The following CTNNA2 variants were observed in gnomAD, a reference collection of about 807,000 sequenced individuals.
CTNNA2 encodes catenin alpha-2.
In CTNNA2, 42 loss-of-function variants were observed where a neutral mutation model predicts 101.0. That is an observed-to-expected ratio of 0.42 (90% CI 0.32 to 0.54). The LOEUF (loss-of-function observed/expected upper bound fraction) is 0.54, where lower values mean the gene tolerates loss of function less well. Among genes scored for constraint, CTNNA2 ranks in the 20% least tolerant of loss-of-function variants. CTNNA2 has a pLI of 0.14. For missense variants in CTNNA2, 871 were observed against 1,223.1 expected, an observed-to-expected ratio of 0.71 and a Z score of 4.29; for synonymous variants, 450 against 456.4, an observed-to-expected ratio of 0.99 and a Z score of 0.18.
intron 2 of CTNNA2, among the ~76,000 whole-genome samples, chr2:79,300,790 G>A (rs1415621287): frequency 6.6e-6 from 1 of 152,048 alleles, no homozygotes; most frequent in Admixed American, 6.6e-5. Context: ...CCTTCTATCT[G>A]TATTCCTCAT....
chr2:79,663,656 C>T (rs558207853), intron 2 of CTNNA2, among the ~76,000 whole-genome samples: 2 of 152,212 alleles, frequency 1.3e-5, no homozygotes, highest in South Asian at 2.1e-4. Flanking sequence ...AAGTACATGC[C>T]TCCTGCCCCA....
intron 7 of CTNNA2, among the ~76,000 whole-genome samples, chr2:80,262,941 GACAAAAATAATAAAAACAA>G (rs1672726414): frequency 2.9e-5 from 2 of 70,174 alleles, no homozygotes; most frequent in African/African-American, 6.8e-5. Context: ...CAACAATATT[GACAAAAATAATAAAAACAA>G]CAATAACAAT....
At chr2:80,637,873 G>C (rs1367525457) in intron 18 of CTNNA2, among the ~76,000 whole-genome samples, 1 of 152,158 alleles carries the variant, frequency 6.6e-6, no homozygotes, top group African/African-American at 2.4e-5. Context: ...TTTTCTCTCA[G>C]TGATTATGCA....
intron 12 of CTNNA2, among the ~76,000 whole-genome samples, chr2:80,569,814 T>C (rs148278890): frequency 0.076 from 11,481 of 150,788 alleles, 627 homozygotes; most frequent in Non-Finnish European, 0.12. Context: ...AGCTAATTTT[T>C]TGTATTTTTA....
chr2:80,419,535 C>T lies in CTNNA2; in HGVS notation c.1224C>T (p.Ser408=), dbSNP rs148134866. Residue 408 remains serine (S), a synonymous_variant, in exon 9 of 19, where the codon AGC becomes AGT. Coordinates refer to ENST00000402739, the MANE Select transcript of CTNNA2 (RefSeq NM_001282597.3). ...TAGTTCTCATTGAGGCTGCAAAGAG[C>T]GGAAATGAAAAGGAAGTGAAAGAAT... ...PLLVLIEAAK[S]GNEKEVKEYA... 8.5e-4 allele frequency: 1,371 copies of T among 1,613,660 alleles called. 3 individuals are homozygous for T. Among genetic ancestry groups the T allele is most frequent in the African/African-American group, 5.9e-3 (440 of 74,974 alleles).
intron 8 of CTNNA2, among the ~76,000 whole-genome samples, chr2:80,418,345 C>A (rs1420368699): frequency 6.6e-6 from 1 of 152,192 alleles, no homozygotes; most frequent in East Asian, 1.9e-4. Context: ...GTAAATGACA[C>A]ATTATACATG....
At chr2:79,613,562 A>T (rs751439080) in intron 1 of CTNNA2, among the ~76,000 whole-genome samples, 5 of 152,102 alleles carry the variant, frequency 3.3e-5, no homozygotes, top group Admixed American at 6.5e-5. Flanking sequence ...TTCTTCAACT[A>T]CTTTAGATAA....
chr2:79,816,458 C>T lies in CTNNA2; in HGVS notation c.299-41555C>T, dbSNP rs1236708256. Among the ~76,000 whole-genome samples, 4 of 152,062 alleles carry T rather than the reference C, an allele frequency of 2.6e-5. No homozygotes were observed. In the South Asian group the frequency reaches 8.3e-4, roughly 32 times the overall value. On this transcript the variant is annotated intron_variant, in intron 3 of 18. Transcript: ENST00000402739. Reference sequence around the variant, plus strand: ...TTCAAAAATTTTTCATGTCCAACTTCCAGAGACATAATGCTGGACTCACCA... The same window carrying T: ...TTCAAAAATTTTTCATGTCCAACTTTCAGAGACATAATGCTGGACTCACCA...
At chr2:80,040,551 T>C (rs1290315667) in intron 7 of CTNNA2, among the ~76,000 whole-genome samples, 1 of 152,158 alleles carries the variant, frequency 6.6e-6, no homozygotes, top group Non-Finnish European at 1.5e-5. Flanking sequence ...TCAAATCAAC[T>C]CAGTTATTTA....
At chr2:79,769,652 G>C (rs1673429428) in intron 3 of CTNNA2, among the ~76,000 whole-genome samples, 1 of 152,056 alleles carries the variant, frequency 6.6e-6, no homozygotes, top group South Asian at 2.1e-4. Flanking sequence ...GTTACGTTTT[G>C]AACTACTGGC....
intron 2 of CTNNA2, among the ~76,000 whole-genome samples, chr2:79,275,711 A>G (rs1450826397): frequency 6.6e-6 from 1 of 152,054 alleles, no homozygotes; most frequent in Non-Finnish European, 1.5e-5. Flanking sequence ...ATGTTCATTC[A>G]TTTATTTGAG....
chr2:79,387,372 G>A (rs1256694917), intron 4 of CTNNA2, among the ~76,000 whole-genome samples: 1 of 152,118 alleles, frequency 6.6e-6, no homozygotes, highest in Admixed American at 6.5e-5. Flanking sequence ...TTCCAGATTA[G>A]CTCGTCAGGG....
chr2:80,395,603 T>A (rs539069553), intron 8 of CTNNA2, among the ~76,000 whole-genome samples: 1 of 152,322 alleles, frequency 6.6e-6, no homozygotes, highest in South Asian at 2.1e-4. Context: ...CCCAGGTAGG[T>A]CATAAGCTTA....
At chr2:80,109,486 A>T (rs1459745481) in intron 7 of CTNNA2, among the ~76,000 whole-genome samples, 1 of 148,378 alleles carries the variant, frequency 6.7e-6, no homozygotes, top group African/African-American at 2.6e-5. Flanking sequence ...AAACAAACAA[A>T]CAAACAAGAA....
At chr2:80,631,896 T>C (rs1041701185) in intron 18 of CTNNA2, among the ~76,000 whole-genome samples, 1 of 152,134 alleles carries the variant, frequency 6.6e-6, no homozygotes, top group Admixed American at 6.6e-5. Flanking sequence ...GTTGTTGTTG[T>C]TGAGAATTAA....
chr2:80,574,021 G>T (rs774369427), intron 12 of CTNNA2, 142 bp from the exon 13 acceptor site: 20 of 726,164 alleles, frequency 2.8e-5, no homozygotes, highest in Non-Finnish European at 4.3e-5. Flanking sequence ...ACTAAATTGG[G>T]CTCACTTCAA....
chr2:80,457,095 TG>T (rs1198252289), intron 9 of CTNNA2, among the ~76,000 whole-genome samples: 1 of 152,104 alleles, frequency 6.6e-6, no homozygotes, highest in East Asian at 1.9e-4. Context: ...TGTTTTTTTT[TG>T]GACAGAGTCT....
intron 4 of CTNNA2, 61 bp from the exon 5 acceptor site, chr2:79,869,755 A>G: frequency 1.3e-6 from 2 of 1,566,362 alleles, no homozygotes; most frequent in Non-Finnish European, 1.7e-6. Flanking sequence ...TCCATTTCTA[A>G]CATGTTGAAT....
intron 2 of CTNNA2, among the ~76,000 whole-genome samples, chr2:79,702,096 A>C (rs1027509144): frequency 2.6e-5 from 4 of 151,322 alleles, no homozygotes; most frequent in African/African-American, 4.9e-5. Flanking sequence ...GCATGGCATG[A>C]ATGGGGTACT....
Sources: allele counts gnomAD v4.1 joint callset (sites outside exome capture counted in the v4.1 genomes callset), GRCh38; gene constraint gnomAD v4.1.1; transcripts MANE v1.5; gene names NCBI Gene and HGNC (gene_info 2026-07-23, HGNC 2026-07-21).